Variants in STAB2 observed in about 807,000 individuals in gnomAD.
The protein encoded by STAB2 is stabilin-2.
In STAB2, 288 loss-of-function variants were observed where a neutral mutation model predicts 338.1. The observed-to-expected ratio is 0.85, with a 90% confidence interval of 0.77 to 0.94. The LOEUF is 0.94. Among genes scored for constraint, STAB2 ranks in the 40% least tolerant of loss-of-function variants. The pLI is 0.00. For missense variants in STAB2, 3,141 were observed against 3,210.1 expected (o/e 0.98, Z 0.52); for synonymous variants, 1,202 against 1,193.3 (o/e 1.01, Z -0.15).
intron 9 of STAB2, among the ~76,000 whole-genome samples, chr12:103,643,936 C>G (rs1328910141): frequency 4.7e-5 from 4 of 84,670 alleles, no homozygotes; most frequent in Admixed American, 1.0e-4. Context: ...CCCGGCCAGC[C>G]GCCCCGTCCG....
At chr12:103,588,878 C>G (rs537614569) in intron 1 of STAB2, among the ~76,000 whole-genome samples, 35 of 152,210 alleles carry the variant, frequency 2.3e-4, no homozygotes, top group Non-Finnish European at 3.7e-4. Context: ...CAATAAAGAA[C>G]CTTCTAGTGC....
At position 103,745,256 on chromosome 12, in the gene STAB2, C is replaced by A. The variant is rs7306642; in HGVS notation, c.6115C>A (p.Pro2039Thr). The change falls in exon 57 of 69, where the codon CCC becomes ACC. Residue 2039 changes from proline to threonine, a missense_variant. Coordinates refer to ENST00000388887, the MANE Select transcript of STAB2 (RefSeq NM_017564.10). ...CCTCTGTGAAACGGGGTGGACAGGCCCCTCGTGTGACACTCAGGCAGGTCA... is the reference window on the plus strand; with the variant it reads ...CCTCTGTGAAACGGGGTGGACAGGCACCTCGTGTGACACTCAGGCAGGTCA... The part of the protein sequence containing the change: ...QCLCETGWTG[P>T]SCDTQAVLPA... 107,894 of 1,613,284 alleles carry A rather than the reference C, an allele frequency of 0.067. 4,346 individuals carry two copies. Among genetic ancestry groups the A allele is most frequent in the African/African-American group, 0.19 (13,927 of 74,956 alleles).
At chr12:103,755,233 A>T (rs1884004973) in intron 61 of STAB2, 69 bp from the exon 62 acceptor site, 2 of 1,576,458 alleles carry the variant, frequency 1.3e-6, no homozygotes, top group Admixed American at 3.4e-5. Context: ...GGGGAATCAG[A>T]CATTAACCAA....
Position 103,690,473 on chromosome 12 carries a change from TC to T in STAB2, c.3233del (p.Ser1078PhefsTer42). 1 of 1,614,132 alleles carries T rather than the reference TC, an allele frequency of 6.2e-7. No individual in the cohort carries two copies. Among genetic ancestry groups the T allele is most frequent in the Non-Finnish European group, 8.5e-7 (1 of 1,179,962 alleles). On this transcript the variant is annotated frameshift_variant, in exon 30 of 69. Coordinates refer to ENST00000388887, the MANE Select transcript of STAB2 (RefSeq NM_017564.10). LOFTEE classifies it high-confidence loss of function. The part of the protein sequence containing the change: ...TYRVADLQTL[S>X]SSDMLATSLQ... ...CAGAGTGGCAGATCTGCAGACCCTG[TC>T]TTCTTCTGACATGTTGGCAACATCT...
chr12:103,664,911 A>C (rs1215138651), intron 18 of STAB2, among the ~76,000 whole-genome samples: 1 of 152,208 alleles, frequency 6.6e-6, no homozygotes, highest in Non-Finnish European at 1.5e-5. Context: ...AGTCCCCAGC[A>C]GTGATTTATG....
At chr12:103,753,544 C>T (rs1452828941) in intron 61 of STAB2, among the ~76,000 whole-genome samples, 191 bp downstream of exon 61, 1 of 152,152 alleles carries the variant, frequency 6.6e-6, no homozygotes, top group Admixed American at 6.6e-5. Context: ...GTGCAGGGTA[C>T]TTCGTGGATA....
At chr12:103,755,251 C>A in intron 61 of STAB2, 51 bp from the exon 62 acceptor site, 1 of 1,596,670 alleles carries the variant, frequency 6.3e-7, no homozygotes, top group Non-Finnish European at 8.5e-7. Context: ...CAAGTGATGC[C>A]ACAACACATG....
chr12:103,743,891 A>G (rs1407240748), intron 56 of STAB2, among the ~76,000 whole-genome samples: 1 of 152,184 alleles, frequency 6.6e-6, no homozygotes, highest in Non-Finnish European at 1.5e-5. Context: ...ACCAGGGGCC[A>G]GATCTTCTTG....
intron 19 of STAB2, among the ~76,000 whole-genome samples, chr12:103,666,874 T>C (rs928153642): frequency 1.3e-5 from 2 of 152,252 alleles, no homozygotes; most frequent in Non-Finnish European, 1.5e-5. Flanking sequence ...GGATTGAGCA[T>C]ATATCAGACA....
intron 68 of STAB2, among the ~76,000 whole-genome samples, chr12:103,764,098 C>T (rs759346033): frequency 2.0e-5 from 3 of 151,804 alleles, no homozygotes; most frequent in East Asian, 1.9e-4. Flanking sequence ...GGATTACAGG[C>T]GCATACCACC....
intron 68 of STAB2, among the ~76,000 whole-genome samples, chr12:103,764,036 A>G (rs1438167116): frequency 6.6e-6 from 1 of 151,390 alleles, no homozygotes; most frequent in African/African-American, 2.4e-5. Context: ...CCCAGGCTGG[A>G]GTGCAGTGGC....
chr12:103,705,451 G>A (rs1029891648), intron 36 of STAB2, among the ~76,000 whole-genome samples, 181 bp from the exon 37 acceptor site: 3 of 152,168 alleles, frequency 2.0e-5, no homozygotes, highest in African/African-American at 4.8e-5. Flanking sequence ...CTGGCATTCC[G>A]GCAACCAACA....
At chr12:103,591,156 T>G (rs549997272) in intron 2 of STAB2, 126 bp downstream of exon 2, 17 of 1,276,556 alleles carry the variant, frequency 1.3e-5, no homozygotes, top group Middle Eastern at 1.9e-4. Flanking sequence ...CTTAGGTAAC[T>G]CACAATTTAT....
intron 9 of STAB2, among the ~76,000 whole-genome samples, chr12:103,645,993 C>T (rs1873300385): frequency 6.6e-6 from 1 of 152,152 alleles, no homozygotes; most frequent in African/African-American, 2.4e-5. Context: ...AGCTAGAAAA[C>T]TCATAGGCAG....
At chr12:103,755,267 G>A in intron 61 of STAB2, 35 bp from the exon 62 acceptor site, 1 of 1,605,420 alleles carries the variant, frequency 6.2e-7, no homozygotes. Flanking sequence ...ACATGAACTT[G>A]CAGCTGACCC....
At chr12:103,698,261 G>A (rs952701521) in intron 33 of STAB2, among the ~76,000 whole-genome samples, 1 of 152,146 alleles carries the variant, frequency 6.6e-6, no homozygotes, top group Non-Finnish European at 1.5e-5. Context: ...TGGATTTGGA[G>A]CTGACAGGCA....
intron 10 of STAB2, among the ~76,000 whole-genome samples, chr12:103,649,158 T>C (rs531824689): frequency 9.2e-5 from 14 of 152,274 alleles, no homozygotes; most frequent in Admixed American, 9.2e-4. Flanking sequence ...TCCTTGACCT[T>C]CTAGATCCTT....
intron 11 of STAB2, among the ~76,000 whole-genome samples, chr12:103,651,234 G>A (rs565289061): frequency 4.0e-5 from 6 of 151,566 alleles, no homozygotes; most frequent in Admixed American, 6.6e-5. Flanking sequence ...TTTAATCATT[G>A]TGTAGGAACT....
chr12:103,697,200 A>G (rs976177262), intron 33 of STAB2, among the ~76,000 whole-genome samples: 2 of 152,094 alleles, frequency 1.3e-5, no homozygotes, highest in African/African-American at 4.8e-5. Flanking sequence ...CCCTTTCAGC[A>G]TTTATTATGT....
Sources: gnomAD v4.1 joint callset for allele counts (sites outside exome capture counted in the v4.1 genomes callset) on GRCh38, gnomAD v4.1.1 for gene constraint, MANE v1.5 for transcripts, NCBI Gene and HGNC (gene_info 2026-07-23, HGNC 2026-07-21) for gene names.